APBB2: variants seen among roughly 807,000 people sequenced by gnomAD.
The protein encoded by APBB2 is amyloid beta precursor protein binding family B member 2.
In APBB2, 38 loss-of-function variants were observed where a neutral mutation model predicts 82.5. The ratio of observed to expected loss-of-function variants is 0.46; its 90% CI spans 0.36 to 0.60. The LOEUF is 0.60. Among genes scored for constraint, APBB2 ranks in the 20% least tolerant of loss-of-function variants. The probability of loss-of-function intolerance (pLI) is 0.00; values close to 1 mark genes in which losing one functional copy is unlikely to be tolerated. For synonymous variants in APBB2, 341 were observed against 368.2 expected, an observed-to-expected ratio of 0.93 and a Z score of 0.85; for missense variants, 772 against 972.3, an observed-to-expected ratio of 0.79 and a Z score of 2.74.
chr4:40,996,079 A>C (rs1213812753), intron 6 of APBB2, among the ~76,000 whole-genome samples: 2 of 152,216 alleles, frequency 1.3e-5, no homozygotes, highest in Admixed American at 6.5e-5. Flanking sequence ...GAGATTCTGA[A>C]CATCAGTTTG....
At chr4:41,014,964 T>C (rs149159586) in intron 5 of APBB2, among the ~76,000 whole-genome samples, 5,231 of 152,348 alleles carry the variant, frequency 0.034, 130 homozygotes, top group Middle Eastern at 0.071. Context: ...GCTAATGTCT[T>C]GGTGAACATT....
intron 12 of APBB2, among the ~76,000 whole-genome samples, chr4:40,860,696 G>A (rs910475189): frequency 3.9e-5 from 6 of 152,122 alleles, no homozygotes; most frequent in Admixed American, 1.3e-4. Context: ...GCAGTTTCCC[G>A]TTGTATTTTC....
At chr4:40,983,581 CTT>C (rs11477584) in intron 6 of APBB2, among the ~76,000 whole-genome samples, 146 of 147,758 alleles carry the variant, frequency 9.9e-4, no homozygotes, top group Middle Eastern at 6.9e-3. Flanking sequence ...TTAATTATGA[CTT>C]TTTTTTTTTT....
At chr4:40,827,098 G>A (rs1176898567) in intron 14 of APBB2, 34 bp downstream of exon 14, 2 of 1,584,430 alleles carry the variant, frequency 1.3e-6, no homozygotes, top group Non-Finnish European at 1.7e-6. Context: ...GAGGGACAGG[G>A]CCATAATGAA....
At chr4:41,012,958 A>T (rs891908766) in intron 6 of APBB2, among the ~76,000 whole-genome samples, 1 of 152,254 alleles carries the variant, frequency 6.6e-6, no homozygotes, top group African/African-American at 2.4e-5. Context: ...ACAAAAGTCC[A>T]GAAAGACTGG....
chr4:41,191,018 G>C (rs557774684), intron 1 of APBB2, among the ~76,000 whole-genome samples: 1 of 152,244 alleles, frequency 6.6e-6, no homozygotes, highest in African/African-American at 2.4e-5. Context: ...CAACCTGATC[G>C]ATTCAATTCT....
At chr4:41,011,017 G>A (rs940778434) in intron 6 of APBB2, among the ~76,000 whole-genome samples, 9 of 151,780 alleles carry the variant, frequency 5.9e-5, no homozygotes, top group Admixed American at 2.0e-4. Context: ...CCATCAGTAT[G>A]TGTTATACTG....
At chr4:41,063,120 G>A (rs895401921) in intron 4 of APBB2, among the ~76,000 whole-genome samples, 1 of 152,212 alleles carries the variant, frequency 6.6e-6, no homozygotes, top group African/African-American at 2.4e-5. Context: ...TTAACCTTCT[G>A]TATGTCAAAA....
intron 5 of APBB2, among the ~76,000 whole-genome samples, chr4:41,029,859 C>T (rs1715985151): frequency 6.6e-6 from 1 of 151,988 alleles, no homozygotes; most frequent in South Asian, 2.1e-4. Flanking sequence ...GAAGGCTTCC[C>T]ACAAAAAGAA....
At chr4:41,143,961 A>G (rs1759969860) in intron 1 of APBB2, among the ~76,000 whole-genome samples, 1 of 152,226 alleles carries the variant, frequency 6.6e-6, no homozygotes, top group Admixed American at 6.5e-5. Flanking sequence ...TTAAGGAAAA[A>G]CAGTGTGGAA....
chr4:41,006,449 T>G (rs1410371711), intron 6 of APBB2, among the ~76,000 whole-genome samples: 1 of 152,078 alleles, frequency 6.6e-6, no homozygotes, highest in Non-Finnish European at 1.5e-5. Context: ...CCTAGGGATT[T>G]ATTTATTTAT....
chr4:41,139,254 A>G (rs1281970506), intron 2 of APBB2, among the ~76,000 whole-genome samples: 1 of 152,160 alleles, frequency 6.6e-6, no homozygotes, highest in Non-Finnish European at 1.5e-5. Flanking sequence ...AAGTTAAAGA[A>G]GAAAATCATG....
At chr4:40,912,155 C>A (rs1390114090) in intron 10 of APBB2, among the ~76,000 whole-genome samples, 1 of 152,184 alleles carries the variant, frequency 6.6e-6, no homozygotes, top group African/African-American at 2.4e-5. Context: ...GGGATGGGAA[C>A]CTGTGGAAAG....
intron 3 of APBB2, among the ~76,000 whole-genome samples, chr4:41,066,650 G>A (rs1392290179): frequency 6.6e-6 from 1 of 152,226 alleles, no homozygotes; most frequent in Non-Finnish European, 1.5e-5. Context: ...GCCGCGCTAG[G>A]GATGCGAGAC....
intron 6 of APBB2, among the ~76,000 whole-genome samples, chr4:41,000,061 A>ATGTG (rs1218564307): frequency 6.4e-4 from 72 of 113,224 alleles, no homozygotes; most frequent in African/African-American, 1.9e-3. Flanking sequence ...ATGTATATAT[A>ATGTG]TGTGTGTATG....
rs1744684386 is a variant in APBB2 at position 40,812,853 on chromosome 4, C to A, written c.*3239G>T. 6.6e-6 allele frequency: 1 copy of A among 152,258 alleles called. No individual in the cohort carries two copies. The highest frequency in any genetic ancestry group is 1.9e-4 in the East Asian group (1 of 5,190). 9.4% of individuals were successfully genotyped at this position (152,258 alleles called of 1,614,324 possible). ...TGCAACAAGACAGATGAACAAAAAACAATGGTCCTAATTAGCTATGAGTGA... is the reference window on the plus strand; with the variant it reads ...TGCAACAAGACAGATGAACAAAAAAAAATGGTCCTAATTAGCTATGAGTGA... On this transcript the variant is annotated 3_prime_UTR_variant, in exon 18 of 18. Transcript: ENST00000508593.
chr4:41,052,208 A>AATACATACATACATACATACATAC lies in APBB2; in HGVS notation c.-51+13344_-51+13367dup, dbSNP rs33920742. Among the ~76,000 whole-genome samples the AATACATACATACATACATACATAC allele has an allele frequency of 2.8e-3, 426 of 149,814 alleles. 1 individual carries two copies. Among genetic ancestry groups the AATACATACATACATACATACATAC allele is most frequent in the South Asian group, 4.1e-3 (19 of 4,598 alleles). On this transcript the variant is annotated intron_variant, in intron 4 of 17. Transcript: ENST00000508593. ...CATAGCAAGACCTTGTCTGTACAAAAATACATACATACATACATACATACA... is the reference window on the plus strand; with the variant it reads ...CATAGCAAGACCTTGTCTGTACAAAAATACATACATACATACATACATACATACATACATACATACATACATACA...
chr4:40,843,290 G>A (rs1045133044), intron 12 of APBB2, among the ~76,000 whole-genome samples: 1 of 152,230 alleles, frequency 6.6e-6, no homozygotes, highest in Non-Finnish European at 1.5e-5. Flanking sequence ...GCAGGGCCCT[G>A]CAGGGATGGA....
At chr4:41,060,063 A>G (rs1247796533) in intron 4 of APBB2, among the ~76,000 whole-genome samples, 5 of 152,166 alleles carry the variant, frequency 3.3e-5, no homozygotes, top group Admixed American at 3.3e-4. Flanking sequence ...GAGGAAAATG[A>G]GAAAGTGGGG....
Sources: gnomAD v4.1 joint callset for allele counts (sites outside exome capture counted in the v4.1 genomes callset) on GRCh38, gnomAD v4.1.1 for gene constraint, MANE v1.5 for transcripts, NCBI Gene and HGNC (gene_info 2026-07-23, HGNC 2026-07-21) for gene names.